CNTN4: variants seen among roughly 807,000 people sequenced by gnomAD.
CNTN4 encodes contactin 4.
CNTN4 carries 77 observed loss-of-function variants against 122.5 expected under a neutral mutation model. The ratio of observed to expected loss-of-function variants is 0.63; its 90% CI spans 0.52 to 0.76. CNTN4 has a LOEUF of 0.76. Among genes scored for constraint, CNTN4 ranks in the 30% least tolerant of loss-of-function variants. The probability of loss-of-function intolerance (pLI) is 0.00; values close to 1 mark genes in which losing one functional copy is unlikely to be tolerated. For synonymous variants in CNTN4, 512 were observed against 447.0 expected (o/e 1.15, Z -1.83); for missense variants, 1,256 against 1,259.1 (o/e 1.00, Z 0.04).
intron 7 of CNTN4, among the ~76,000 whole-genome samples, chr3:2,836,044 A>G (rs1363588975): frequency 6.6e-6 from 1 of 152,140 alleles, no homozygotes; most frequent in African/African-American, 2.4e-5. Context: ...AAGAGCATAT[A>G]ATTTTCTATA....
intron 4 of CNTN4, among the ~76,000 whole-genome samples, chr3:2,700,741 G>A (rs1041993252): frequency 6.6e-6 from 1 of 152,074 alleles, no homozygotes; most frequent in Non-Finnish European, 1.5e-5. Flanking sequence ...CTACAGTATA[G>A]GATATTCAAT....
chr3:2,981,909 G>T (rs1334438088), intron 13 of CNTN4, among the ~76,000 whole-genome samples: 4 of 151,986 alleles, frequency 2.6e-5, no homozygotes, highest in Non-Finnish European at 5.9e-5. Flanking sequence ...AGCTAGACGT[G>T]GGGGTACATG....
chr3:2,564,128 A>G (rs1258069299), intron 3 of CNTN4, among the ~76,000 whole-genome samples: 4 of 152,194 alleles, frequency 2.6e-5, no homozygotes. Flanking sequence ...TAGTAGTATA[A>G]GCATGTTATT....
At position 2,340,710 on chromosome 3, in the gene CNTN4, T is replaced by TATATATATATAG; in HGVS notation, c.-89+1478_-89+1479insTATATATATAGA. The stretch of plus-strand genomic sequence containing the variant: ...TTATATATATATATATATATATATA[T>TATATATATATAG]AGAGAGAGAGAGAGAGAGAGAGAGA... On this transcript the variant is annotated intron_variant, in intron 3 of 24. Coordinates refer to ENST00000418658, the MANE Select transcript of CNTN4 (RefSeq NM_175607.3). 5.5e-3 allele frequency among the ~76,000 whole-genome samples: 101 copies of TATATATATATAG among 18,290 alleles called. 3 individuals are homozygous for TATATATATATAG. Among genetic ancestry groups the TATATATATATAG allele is most frequent in the Non-Finnish European group, 0.012 (74 of 6,154 alleles). The allele number at this position is 18,290 out of a possible 152,430, so 12.0% of individuals were successfully genotyped here.
intron 3 of CNTN4, among the ~76,000 whole-genome samples, chr3:2,461,353 G>T (rs1337237910): frequency 2.2e-4 from 33 of 150,240 alleles, no homozygotes; most frequent in African/African-American, 7.6e-4. Flanking sequence ...TAATTAATTA[G>T]TTAACATTAA....
At chr3:2,657,676 G>C (rs1450175995) in intron 4 of CNTN4, among the ~76,000 whole-genome samples, 1 of 151,954 alleles carries the variant, frequency 6.6e-6, no homozygotes. Flanking sequence ...GTCATGCATC[G>C]GATGTGTATG....
chr3:2,813,724 T>C (rs1355600153), intron 6 of CNTN4, among the ~76,000 whole-genome samples: 1 of 152,192 alleles, frequency 6.6e-6, no homozygotes, highest in Non-Finnish European at 1.5e-5. Context: ...TTGGACCCTC[T>C]TGATTTTATA....
intron 4 of CNTN4, among the ~76,000 whole-genome samples, chr3:2,593,580 A>G (rs1333668272): frequency 6.6e-6 from 1 of 152,178 alleles, no homozygotes; most frequent in Non-Finnish European, 1.5e-5. Flanking sequence ...ATCAGGACTG[A>G]GTATTTTTGA....
chr3:2,186,169 G>A (rs952602902), intron 2 of CNTN4, among the ~76,000 whole-genome samples: 1 of 150,408 alleles, frequency 6.6e-6, no homozygotes, highest in Non-Finnish European at 1.5e-5. Context: ...CTATGAGTGA[G>A]AACATGCAGT....
chr3:2,645,094 T>C (rs1344061429), intron 4 of CNTN4, among the ~76,000 whole-genome samples: 1 of 152,024 alleles, frequency 6.6e-6, no homozygotes, highest in African/African-American at 2.4e-5. Flanking sequence ...CTGGCACACC[T>C]TACCTATCTC....
chr3:2,895,901 CG>C (rs1025874585), intron 10 of CNTN4, among the ~76,000 whole-genome samples: 60 of 152,074 alleles, frequency 3.9e-4, no homozygotes, highest in South Asian at 8.3e-4. Flanking sequence ...AGCGTGGTGG[CG>C]GGCGCCTGTG....
At position 2,601,359 on chromosome 3, in the gene CNTN4, A is replaced by G. The variant is rs546828793; in HGVS notation, c.55+29801A>G. Among the ~76,000 whole-genome samples, 26 of 152,316 alleles carry G rather than the reference A, an allele frequency of 1.7e-4. 1 individual carries two copies. The highest frequency in any genetic ancestry group is 3.9e-4 in the Admixed American group (6 of 15,298). On this transcript the variant is annotated intron_variant, in intron 4 of 24. Transcript: ENST00000418658. ...GGCCTAAAATTTAAGTCGTTAATCC[A>G]TCTTGAATTAATTTTTGTATAAGGT...
chr3:2,788,823 A>G (rs574314625), intron 6 of CNTN4, among the ~76,000 whole-genome samples: 29 of 152,308 alleles, frequency 1.9e-4, no homozygotes, highest in Middle Eastern at 3.4e-3. Flanking sequence ...CCTGCAGGAG[A>G]GGATAACCTC....
At chr3:2,926,514 CT>C (rs2094475026) in intron 13 of CNTN4, among the ~76,000 whole-genome samples, 1 of 152,148 alleles carries the variant, frequency 6.6e-6, no homozygotes, top group Non-Finnish European at 1.5e-5. Context: ...TTTCTATAAT[CT>C]ACTTAATCTG....
chr3:2,390,517 A>G (rs572717541), intron 3 of CNTN4, among the ~76,000 whole-genome samples: 1 of 152,296 alleles, frequency 6.6e-6, no homozygotes, highest in African/African-American at 2.4e-5. Context: ...TTAATGTTTT[A>G]CTTGTTTACA....
chr3:2,556,460 C>G (rs9841683), intron 3 of CNTN4, among the ~76,000 whole-genome samples: 11,040 of 152,156 alleles, frequency 0.073, 1,199 homozygotes, highest in East Asian at 0.55. Context: ...ATGAAACATG[C>G]ACACCTTATC....
chr3:2,794,602 A>G (rs562063660), intron 6 of CNTN4, among the ~76,000 whole-genome samples: 69 of 152,334 alleles, frequency 4.5e-4, no homozygotes, highest in Middle Eastern at 3.4e-3. Flanking sequence ...CATGTTAAGC[A>G]TATCACTTGA....
intron 13 of CNTN4, among the ~76,000 whole-genome samples, chr3:2,952,797 C>G (rs1007063421): frequency 1.3e-5 from 2 of 152,164 alleles, no homozygotes; most frequent in African/African-American, 2.4e-5. Flanking sequence ...CTCTAGTATT[C>G]TAATTAGAAT....
intron 3 of CNTN4, among the ~76,000 whole-genome samples, chr3:2,470,327 G>A (rs2075642127): frequency 6.6e-6 from 1 of 152,042 alleles, no homozygotes; most frequent in Non-Finnish European, 1.5e-5. Flanking sequence ...CACCCATGTT[G>A]GCCTCCCAAA....
Sources: allele counts gnomAD v4.1 joint callset (sites outside exome capture counted in the v4.1 genomes callset), GRCh38; gene constraint gnomAD v4.1.1; transcripts MANE v1.5; gene names NCBI Gene and HGNC (gene_info 2026-07-23, HGNC 2026-07-21).